SNX5: variants seen among roughly 807,000 people sequenced by gnomAD.
SNX5 encodes sorting nexin-5.
SNX5 carries 31 observed loss-of-function variants against 53.9 expected under a neutral mutation model. That is an observed-to-expected ratio of 0.58 (90% CI 0.43 to 0.78). The LOEUF (loss-of-function observed/expected upper bound fraction) is 0.78. SNX5 is among the 30% of genes least tolerant of loss of function. The pLI is 0.00. For missense variants in SNX5, 471 were observed against 478.8 expected, an observed-to-expected ratio of 0.98 and a Z score of 0.15; for synonymous variants, 168 against 171.1, an observed-to-expected ratio of 0.98 and a Z score of 0.14.
At chr20:17,966,431 G>T (rs967073529) in intron 1 of SNX5, among the ~76,000 whole-genome samples, 2 of 151,784 alleles carry the variant, frequency 1.3e-5, no homozygotes, top group South Asian at 2.1e-4. Flanking sequence ...GACCAGTTAG[G>T]AACCAAATTA....
Position 17,942,991 on chromosome 20 carries a change from T to G in SNX5, c.1164+119A>C, listed in dbSNP as rs185630405. 36 of 701,284 alleles carry G rather than the reference T, an allele frequency of 5.1e-5. 1 individual carries two copies. The Admixed American group carries it at 6.5e-4, about 13-fold the overall frequency. The allele number at this position is 701,284 out of a possible 1,614,324, so 43.4% of individuals were successfully genotyped here. ...TGAGTGGCTCCCATCAACTAAGTAC[T>G]ACAGACGATTAATACCACAAGGCCA... On this transcript the variant is annotated intron_variant, in intron 12 of 12. Coordinates refer to ENST00000377759, the MANE Select transcript of SNX5 (RefSeq NM_014426.4).
intron 1 of SNX5, chr20:17,961,606 C>T (rs1156376841): frequency 2.0e-6 from 2 of 981,302 alleles, no homozygotes; most frequent in Non-Finnish European, 1.2e-6. Context: ...TAAATTACTA[C>T]AGATAGGATA....
At chr20:17,955,274 A>G in intron 3 of SNX5, 91 bp downstream of exon 3, 1 of 844,932 alleles carries the variant, frequency 1.2e-6, no homozygotes, top group Non-Finnish European at 1.9e-6. Context: ...ACTTTTCACA[A>G]TCCATTAAAA....
rs753981963 is a variant in SNX5, at chr20:17,942,369, G to A, written c.1203C>T (p.Phe401=). ...VSLLQSCIDL[F]KNN ...GAGTGAAGGCATATCAGTTATTCTT[G>A]AACAAGTCAATACAGCTCTGCAAAA... Residue 401 remains phenylalanine (F), a synonymous_variant, in exon 13 of 13, where the codon TTC becomes TTT. Coordinates refer to ENST00000377759, the MANE Select transcript of SNX5 (RefSeq NM_014426.4). 2.5e-6 allele frequency: 4 copies of A among 1,608,892 alleles called. No individual in the cohort carries two copies. The East Asian group carries it at 8.9e-5, about 36-fold the overall frequency.
chr20:17,964,658 G>A (rs1375262830), intron 1 of SNX5, among the ~76,000 whole-genome samples: 2 of 152,198 alleles, frequency 1.3e-5, no homozygotes, highest in African/African-American at 4.8e-5. Context: ...ATCATTAAAA[G>A]TTAGACTGTT....
chr20:17,962,678 CG>C (rs1175439590), intron 1 of SNX5: 1 of 512,094 alleles, frequency 2.0e-6, no homozygotes, highest in Non-Finnish European at 3.9e-6. Flanking sequence ...ACTCAGGCAT[CG>C]GCTTAATAAA....
At chr20:17,954,493 A>C (rs564648699) in intron 3 of SNX5, among the ~76,000 whole-genome samples, 2 of 152,368 alleles carry the variant, frequency 1.3e-5, no homozygotes, top group Admixed American at 6.5e-5. Context: ...TTTTTTCCTA[A>C]TCCCAAAGGA....
intron 3 of SNX5, 56 bp from the exon 4 acceptor site, chr20:17,954,173 T>C: frequency 6.2e-7 from 1 of 1,602,836 alleles, no homozygotes; most frequent in Non-Finnish European, 8.5e-7. Context: ...TGTTTTCTAG[T>C]TGGTGCCTCA....
At chr20:17,960,463 G>A (rs184066855) in intron 1 of SNX5, among the ~76,000 whole-genome samples, 41 of 152,264 alleles carry the variant, frequency 2.7e-4, no homozygotes, top group African/African-American at 9.1e-4. Context: ...GCATGGTGGC[G>A]CACATCTGTA....
intron 11 of SNX5, among the ~76,000 whole-genome samples, chr20:17,945,762 G>T (rs772449058): frequency 2.0e-5 from 3 of 152,160 alleles, no homozygotes; most frequent in Non-Finnish European, 4.4e-5. Flanking sequence ...TTAAGGCATT[G>T]TATTATAATC....
Position 17,942,259 on chromosome 20 carries a change from A to G in SNX5, c.*98T>C, listed in dbSNP as rs148718726. 1,559 of 763,598 alleles carry G rather than the reference A, an allele frequency of 2.0e-3. 22 individuals carry two copies. In the African/African-American group the frequency reaches 0.024, roughly 12 times the overall value. 47.3% of individuals were successfully genotyped at this position (763,598 alleles called of 1,614,324 possible). A position where few individuals can be genotyped will look rare whatever the true frequency, so the allele number is the denominator to read the frequency against. On this transcript the variant is annotated 3_prime_UTR_variant, in exon 13 of 13. Transcript: ENST00000377759. ...ATATTTATTCACATAATTTTAAACT[A>G]AAGTTGAAGCTAATATATCTTCCGT...
Position 17,954,044 on chromosome 20 carries a change from C to T in SNX5, c.341G>A (p.Gly114Glu). 1 of 1,613,978 alleles carries T rather than the reference C, an allele frequency of 6.2e-7. No individual in the cohort carries two copies. Among genetic ancestry groups the T allele is most frequent in the South Asian group, 1.1e-5 (1 of 91,060 alleles). ...EKMQKLGEGE[G>E]SMTKEEFAKM... ...GGCAAATTCTTCTTTGGTCATAGAC[C>T]CTTCACCTTCTCCCAGTTTCTGCAT... The change falls in exon 4 of 13, where the codon GGG becomes GAG. Residue 114 changes from glycine to glutamate, a missense_variant. Gly to Glu is a moderately conservative substitution (Grantham distance 98). Coordinates refer to ENST00000377759, the MANE Select transcript of SNX5 (RefSeq NM_014426.4).
At chr20:17,967,862 G>A (rs901225579) in intron 1 of SNX5, 3 of 393,788 alleles carry the variant, frequency 7.6e-6, no homozygotes, top group Non-Finnish European at 1.3e-5. Context: ...CCACAACAAC[G>A]CATTTTGCGT....
intron 11 of SNX5, chr20:17,945,669 G>C (rs1486083149): frequency 6.6e-6 from 1 of 151,744 alleles, no homozygotes; most frequent in African/African-American, 2.4e-5. Flanking sequence ...TAGCATGAAG[G>C]TTACTTTGGA....
At chr20:17,953,904 C>G in intron 4 of SNX5, 92 bp downstream of exon 4, 1 of 1,146,692 alleles carries the variant, frequency 8.7e-7, no homozygotes, top group Non-Finnish European at 1.3e-6. Context: ...GCACTTAAAA[C>G]AAAATTAAGT....
At chr20:17,965,670 C>CAAAAAAAA (rs74179147) in intron 1 of SNX5, among the ~76,000 whole-genome samples, 1 of 97,072 alleles carries the variant, frequency 1.0e-5, no homozygotes. Flanking sequence ...GACCCTGTCT[C>CAAAAAAAA]AAAAAAAAAA....
chr20:17,947,576 G>A lies in SNX5; in HGVS notation c.988C>T (p.Arg330Trp), dbSNP rs768722799. Reference protein sequence around the residue: ...ENSNKALDKARLKSKDVKLAE... With the variant: ...ENSNKALDKAWLKSKDVKLAE... ...AACTTGACGTCTTTGCTCTTTAACC[G>A]GGCCTTATCCAGAGCTTTGTTTGAG... The change falls in exon 11 of 13, where the codon CGG (arginine) becomes TGG (tryptophan). Residue 330 changes from arginine (R) to tryptophan (W), a missense_variant. Physicochemically the swap from Arg to Trp is moderately radical, Grantham distance 101. Coordinates refer to ENST00000377759, the MANE Select transcript of SNX5 (RefSeq NM_014426.4). 10 of 1,613,798 alleles carry A rather than the reference G, an allele frequency of 6.2e-6. No individual in the cohort carries two copies. The highest frequency in any genetic ancestry group is 1.7e-5 in the Admixed American group (1 of 59,988).
Position 17,967,929 on chromosome 20 carries a change from G to GC in SNX5, c.51+445_51+446insG, listed in dbSNP as rs1568601001. ...TTGATGCAATTTCCCAAGTTGTTTG[G>GC]GCCCCCCCCCCAAAAAAGTCTTCTC... On this transcript the variant is annotated intron_variant, in intron 1 of 12. Transcript: ENST00000377759. The GC allele has an allele frequency of 3.2e-3, 1,245 of 393,034 alleles. 14 individuals carry two copies. Among genetic ancestry groups the GC allele is most frequent in the African/African-American group, 0.025 (1,103 of 44,558 alleles). The allele number at this position is 393,034 out of a possible 1,614,324, so 24.3% of individuals were successfully genotyped here. A position where few individuals can be genotyped will look rare whatever the true frequency, so the allele number is the denominator to read the frequency against.
intron 11 of SNX5, among the ~76,000 whole-genome samples, chr20:17,946,940 A>C (rs1432893897): frequency 6.6e-6 from 1 of 152,250 alleles, no homozygotes; most frequent in Non-Finnish European, 1.5e-5. Context: ...TTCTGCCAGG[A>C]GCCCATAACC....
Sources: allele counts gnomAD v4.1 joint callset (sites outside exome capture counted in the v4.1 genomes callset), GRCh38; gene constraint gnomAD v4.1.1; transcripts MANE v1.5; gene names NCBI Gene and HGNC (gene_info 2026-07-23, HGNC 2026-07-21).